TRIM39: variants seen among roughly 807,000 people sequenced by gnomAD.
TRIM39 encodes the protein tripartite motif containing 39, also known as E3 ubiquitin-protein ligase TRIM39.
TRIM39 carries 5 observed loss-of-function variants against 53.6 expected under a neutral mutation model. The ratio of observed to expected loss-of-function variants is 0.09; its 90% CI spans 0.05 to 0.20. The LOEUF is 0.20. Among genes scored for constraint, TRIM39 ranks in the 10% least tolerant of loss-of-function variants. TRIM39 has a pLI of 1.00. For synonymous variants in TRIM39, 196 were observed against 237.6 expected, an observed-to-expected ratio of 0.82 and a Z score of 1.61; for missense variants, 310 against 621.0, an observed-to-expected ratio of 0.50 and a Z score of 5.32.
intron 1 of TRIM39, chr6:30,327,713 A>G (rs1047766118): frequency 6.6e-6 from 1 of 152,248 alleles, no homozygotes; most frequent in African/African-American, 2.4e-5. Context: ...AGGCCACTTA[A>G]TTTGTAAAAG....
At chr6:30,341,666 C>G in intron 7 of TRIM39, 46 bp from the exon 8 acceptor site, 2 of 1,565,598 alleles carry the variant, frequency 1.3e-6, no homozygotes, top group Non-Finnish European at 1.7e-6. Flanking sequence ...GGGCATTTAG[C>G]TATTCCCATC....
intron 4 of TRIM39, among the ~76,000 whole-genome samples, chr6:30,331,282 A>AACC (rs1398587505): frequency 8.2e-4 from 24 of 29,360 alleles, no homozygotes; most frequent in African/African-American, 2.9e-3. Context: ...CAAACAAAAA[A>AACC]AACAAACAAA....
chr6:30,342,028 C>T lies in TRIM39; in HGVS notation c.1236C>T (p.Thr412=), dbSNP rs1787610197. ...GGAATGGGGACAAATATGCAGCCAC[C>T]ACCACACCTTTTACCCCTTTGCACA... The change falls in exon 8 of 8, where the codon ACC becomes ACT. Residue 412 remains threonine, a synonymous_variant. Transcript: ENST00000396551. This position sits in a 1 kb window ranked among gnomAD's most constrained non-coding sequence, Gnocchi z 4.7. 2.5e-6 allele frequency: 4 copies of T among 1,613,062 alleles called. No individual in the cohort carries two copies. The African/African-American group carries it at 5.3e-5, about 21-fold the overall frequency.
rs1234687134 is a variant in TRIM39, at chr6:30,335,279, A to G, written c.550-466A>G. On this transcript the variant is annotated intron_variant, in intron 4 of 7. Coordinates refer to ENST00000396551, the Ensembl canonical transcript of TRIM39. This position sits in a 1 kb window ranked among gnomAD's most constrained non-coding sequence, Gnocchi z 4.7. ...GTGTTCTGTTAAACCATTTTCTCTC[A>G]TTTTCTTTCTTTCTTTTCTTTCTGT... Among the ~76,000 whole-genome samples, 1 of 151,224 alleles carries G rather than the reference A, an allele frequency of 6.6e-6. No homozygotes were observed. Among genetic ancestry groups the G allele is most frequent in the Non-Finnish European group, 1.5e-5 (1 of 67,822 alleles).
intron 7 of TRIM39, among the ~76,000 whole-genome samples, chr6:30,341,083 C>A (rs2127413005): frequency 1.3e-5 from 2 of 152,104 alleles, no homozygotes; most frequent in South Asian, 2.1e-4. Flanking sequence ...TGTTGGGCGC[C>A]TGTAATCCCA....
At chr6:30,328,384 G>A (rs1484570331) in intron 1 of TRIM39, among the ~76,000 whole-genome samples, 1 of 152,216 alleles carries the variant, frequency 6.6e-6, no homozygotes, top group Non-Finnish European at 1.5e-5. Context: ...CAAGAGAAAT[G>A]GAATGTTGCG....
exon 8 of TRIM39, chr6:30,343,615 A>G (rs914953063): frequency 1.3e-5 from 2 of 152,662 alleles, no homozygotes; most frequent in Non-Finnish European, 2.9e-5. Context: ...CTACCACCTC[A>G]ACAGGACTTT....
Position 30,335,902 on chromosome 6 carries a change from A to G in TRIM39, c.707A>G (p.Lys236Arg), listed in dbSNP as rs1178262596. The G allele has an allele frequency of 1.9e-6, 3 of 1,612,168 alleles. No homozygotes were observed. The East Asian group carries it at 6.7e-5, about 36-fold the overall frequency. Residue 236 changes from lysine to arginine, a missense_variant, in exon 5 of 8, where the codon AAG (lysine) becomes AGG (arginine). By Grantham distance (26) the Lys-to-Arg change is conservative (BLOSUM62 2). Coordinates refer to ENST00000396551, the Ensembl canonical transcript of TRIM39. The surrounding 1 kb of genome is among the most constrained non-coding windows in gnomAD (Gnocchi z 4.7). The stretch of plus-strand genomic sequence containing the variant: ...GAAAATGCTGCTCACCTTGGGGACA[A>G]GCGCCGGGACCTGGCCCACTTGGCT...
chr6:30,338,920 T>C lies in TRIM39; in HGVS notation c.781-988T>C, dbSNP rs1787172906. Among the ~76,000 whole-genome samples, 1 of 152,208 alleles carries C rather than the reference T, an allele frequency of 6.6e-6. No individual in the cohort carries two copies. Among genetic ancestry groups the C allele is most frequent in the Admixed American group, 6.5e-5 (1 of 15,286 alleles). ...TGTTAGCAAAACTAGGGAACATATT[T>C]TTTATCTTAGAGATTAGATTACCAG... On this transcript the variant is annotated intron_variant, in intron 5 of 7. Coordinates refer to ENST00000396551, the Ensembl canonical transcript of TRIM39. The surrounding 1 kb of genome is among the most constrained non-coding windows in gnomAD (Gnocchi z 4.0).
intron 5 of TRIM39, among the ~76,000 whole-genome samples, chr6:30,337,497 C>T (rs553716851): frequency 4.6e-5 from 7 of 152,216 alleles, no homozygotes; most frequent in African/African-American, 1.7e-4. Context: ...CTGCTTAAGG[C>T]CAGGAATTCA....
intron 7 of TRIM39, among the ~76,000 whole-genome samples, chr6:30,341,174 C>T (rs1787482676): frequency 6.7e-6 from 1 of 150,360 alleles, no homozygotes; most frequent in South Asian, 2.1e-4. Context: ...CACCACTGCA[C>T]TCCAGCCTGA....
At chr6:30,327,732 A>G (rs1785551005) in intron 1 of TRIM39, 1 of 152,276 alleles carries the variant, frequency 6.6e-6, no homozygotes, top group African/African-American at 2.4e-5. Flanking sequence ...AGACTGAGGA[A>G]GGGGTAGGAT....
rs1238134913 is a variant in TRIM39, at chr6:30,339,882, T to C, written c.781-26T>C. ...GGACCACTGAATACCAGGACCAATA[T>C]TGCTTTCTTTTCTCCTTCCTTCTAG... is the stretch of plus-strand genomic sequence containing the variant. On this transcript the variant is annotated intron_variant, in intron 5 of 7. Coordinates refer to ENST00000396551, the Ensembl canonical transcript of TRIM39. This position sits in a 1 kb window ranked among gnomAD's most constrained non-coding sequence, Gnocchi z 4.2. 3 of 1,614,086 alleles carry C rather than the reference T, an allele frequency of 1.9e-6. No individual in the cohort carries two copies. The highest frequency in any genetic ancestry group is 1.3e-5 in the African/African-American group (1 of 75,024).
At chr6:30,331,176 G>A (rs1786108083) in intron 4 of TRIM39, among the ~76,000 whole-genome samples, 1 of 152,072 alleles carries the variant, frequency 6.6e-6, no homozygotes, top group Non-Finnish European at 1.5e-5. Flanking sequence ...GGCTGAGGCA[G>A]GAGAATTGCT....
chr6:30,328,174 C>T (rs1785634486), intron 1 of TRIM39, among the ~76,000 whole-genome samples: 1 of 152,182 alleles, frequency 6.6e-6, no homozygotes, highest in Admixed American at 6.5e-5. Flanking sequence ...TCTCTTAATT[C>T]GCAACCACTC....
Position 30,331,564 on chromosome 6 carries a change from T to C in TRIM39, c.549+688T>C, listed in dbSNP as rs188789339. Among the ~76,000 whole-genome samples the C allele has an allele frequency of 1.4e-4, 22 of 152,190 alleles. No individual in the cohort carries two copies. The South Asian group carries it at 2.5e-3, about 17-fold the overall frequency. On this transcript the variant is annotated intron_variant, in intron 4 of 7. Coordinates refer to ENST00000396551, the Ensembl canonical transcript of TRIM39. ...CTTGAAGAGAGGAGAATATGGAAGATTCACTGGGGAGAAAGGGAAAAGGAG... is the reference window on the plus strand; with the variant it reads ...CTTGAAGAGAGGAGAATATGGAAGACTCACTGGGGAGAAAGGGAAAAGGAG...
exon 1 of TRIM39, chr6:30,326,930 G>A (rs939578503): frequency 6.6e-6 from 1 of 152,352 alleles, no homozygotes; most frequent in East Asian, 1.9e-4. Flanking sequence ...GCGAGGGGAG[G>A]AGGAAGGAGG....
At chr6:30,329,537 C>G in exon 3 of TRIM39, 1 of 1,613,114 alleles carries the variant, frequency 6.2e-7, no homozygotes, top group Non-Finnish European at 8.5e-7. Flanking sequence ...AAAGACATCC[C>G]GCTACCGCAG....
intron 4 of TRIM39, among the ~76,000 whole-genome samples, chr6:30,331,634 C>CATTCTTAAA (rs1317461894): frequency 6.6e-6 from 1 of 152,196 alleles, no homozygotes; most frequent in Non-Finnish European, 1.5e-5. Flanking sequence ...ATTAGGACCA[C>CATTCTTAAA]ATTCTTAAAA....
Sources: gnomAD v4.1 joint callset for allele counts (sites outside exome capture counted in the v4.1 genomes callset) on GRCh38, gnomAD v4.1.1 for gene constraint, Gnocchi (gnomAD v3.1) non-coding constraint, MANE v1.5 for transcripts, NCBI Gene and HGNC (gene_info 2026-07-23, HGNC 2026-07-21) for gene names.